The following ANKRD44 variants were observed in gnomAD, a reference collection of about 807,000 sequenced individuals.
The protein encoded by ANKRD44 is serine/threonine-protein phosphatase 6 regulatory ankyrin repeat subunit B.
ANKRD44 carries 35 observed loss-of-function variants against 116.0 expected under a neutral mutation model. The ratio of observed to expected loss-of-function variants is 0.30; its 90% confidence interval spans 0.23 to 0.40. ANKRD44 has a LOEUF of 0.40. ANKRD44 is among the 10% of genes least tolerant of loss of function. ANKRD44 has a pLI of 1.00. For missense variants in ANKRD44, 1,014 were observed against 1,242.6 expected (o/e 0.82, Z 2.77); for synonymous variants, 435 against 461.8 (o/e 0.94, Z 0.74).
intron 16 of ANKRD44, among the ~76,000 whole-genome samples, chr2:197,067,933 T>G (rs2077469449): frequency 6.6e-6 from 1 of 151,582 alleles, no homozygotes; most frequent in Non-Finnish European, 1.5e-5. Context: ...GTGGCACTAT[T>G]CACAACAGCA....
chr2:197,034,050 TAGAG>T lies in ANKRD44; in HGVS notation c.1651-8787_1651-8784del, dbSNP rs60018972. Among the ~76,000 whole-genome samples the T allele has an allele frequency of 4.6e-4, 51 of 110,660 alleles. 1 individual carries two copies. Among genetic ancestry groups the T allele is most frequent in the South Asian group, 7.6e-4 (2 of 2,644 alleles). The allele number at this position is 110,660 out of a possible 152,430, so 72.6% of individuals were successfully genotyped here. Reference sequence around the variant, plus strand: ...TGTCTCAGGGGAGGCATATGAGGGCTAGAGAGAGAGAGAGAGAGAGAGAGAGAGA... The same window carrying T: ...TGTCTCAGGGGAGGCATATGAGGGCTAGAGAGAGAGAGAGAGAGAGAGAGA... On this transcript the variant is annotated intron_variant, in intron 16 of 27. Coordinates refer to ENST00000282272, the MANE Select transcript of ANKRD44 (RefSeq NM_001195144.2).
At chr2:197,046,645 A>AG (rs1336273373) in intron 16 of ANKRD44, among the ~76,000 whole-genome samples, 1 of 151,378 alleles carries the variant, frequency 6.6e-6, no homozygotes, top group Non-Finnish European at 1.5e-5. Context: ...GACTGGCAAA[A>AG]AAAAAAAAAG....
At chr2:197,261,537 A>C (rs1000286954) in intron 1 of ANKRD44, among the ~76,000 whole-genome samples, 3 of 139,672 alleles carry the variant, frequency 2.1e-5, no homozygotes, top group Admixed American at 1.5e-4. Context: ...AAGAAGTAAA[A>C]AAGATAGACA....
chr2:196,998,955 TC>T lies in ANKRD44; in HGVS notation c.2616del (p.Thr874GlnfsTer3). 1 of 1,614,248 alleles carries T rather than the reference TC, an allele frequency of 6.2e-7. No individual in the cohort carries two copies. On this transcript the variant is annotated frameshift_variant, in exon 24 of 28. Transcript: ENST00000282272. LOFTEE classifies it high-confidence loss of function. ...SAPVNAVDNS[G>X]KTALMMAAEN... The stretch of plus-strand genomic sequence containing the variant: ...TCAGCAGCCATCATCAGTGCTGTTT[TC>T]CCTGAATTATCTACTGCGTTCACTG...
intron 1 of ANKRD44, among the ~76,000 whole-genome samples, chr2:197,309,980 C>T (rs1411102875): frequency 1.3e-5 from 2 of 152,208 alleles, no homozygotes; most frequent in East Asian, 3.9e-4. Context: ...GACTTCACCT[C>T]CTCCTCAGAG....
In ANKRD44 at chr2:197,125,926, C is replaced by T. The variant is rs773599620; in HGVS notation, c.373G>A (p.Val125Met). The T allele has an allele frequency of 1.9e-5, 31 of 1,614,258 alleles. No individual in the cohort carries two copies. Among genetic ancestry groups the T allele is most frequent in the Non-Finnish European group, 2.4e-5 (28 of 1,180,050 alleles). The change falls in exon 5 of 28, where the codon GTG becomes ATG. Residue 125 changes from valine (V) to methionine (M), a missense_variant. Transcript: ENST00000282272. ...AANKAVKCAE[V>M]IIPLLSSVNV... The stretch of plus-strand genomic sequence containing the variant: ...ACACTGCTCAGCAGGGGAATGATCA[C>T]TTCTGCACATTTGACAGCCTTGTTG...
rs559101047 is a variant in ANKRD44, at chr2:197,074,149, A to G, written c.1650+4554T>C. Among the ~76,000 whole-genome samples, 4 of 152,332 alleles carry G rather than the reference A, an allele frequency of 2.6e-5. No homozygotes were observed. The East Asian group carries it at 7.7e-4, about 29-fold the overall frequency. ...CACCCCCACCCTCGCCCTTAATGAGAGTTCCTCATAGGATTTTATGTTTCT... is the reference window on the plus strand; with the variant it reads ...CACCCCCACCCTCGCCCTTAATGAGGGTTCCTCATAGGATTTTATGTTTCT... On this transcript the variant is annotated intron_variant, in intron 16 of 27. Transcript: ENST00000282272.
chr2:197,147,132 C>T (rs1412900047), intron 2 of ANKRD44, 27 bp from the exon 3 acceptor site: 2 of 1,607,622 alleles, frequency 1.2e-6, no homozygotes, highest in East Asian at 2.2e-5. Flanking sequence ...CAAAGACATA[C>T]AACAGGTCAG....
At chr2:197,071,906 G>C (rs2077566555) in intron 16 of ANKRD44, among the ~76,000 whole-genome samples, 1 of 152,158 alleles carries the variant, frequency 6.6e-6, no homozygotes. Context: ...CACTCTCCTT[G>C]AGTGGGGTTC....
At chr2:197,144,569 C>T (rs960667327) in intron 3 of ANKRD44, among the ~76,000 whole-genome samples, 14 of 152,160 alleles carry the variant, frequency 9.2e-5, no homozygotes, top group Admixed American at 7.2e-4. Flanking sequence ...AAAACTTTCC[C>T]AATGCTCCCC....
chr2:197,287,365 T>G, intron 1 of ANKRD44, among the ~76,000 whole-genome samples: 1 of 152,210 alleles, frequency 6.6e-6, no homozygotes, highest in East Asian at 1.9e-4. Context: ...TTAATTCTCC[T>G]GCAGCCAGAA....
Position 197,078,806 on chromosome 2 carries a change from T to G in ANKRD44, c.1547A>C (p.Glu516Ala), listed in dbSNP as rs760377686. Residue 516 changes from glutamate to alanine, a missense_variant, in exon 16 of 28, where the codon GAG becomes GCG. Glu to Ala is a moderately radical substitution (Grantham distance 107). Transcript: ENST00000282272. ...ATTTGCATCATTTTGAAGCAGAAAC[T>G]CTAGACATCTGTAAGTATAAAGATG... The part of the protein sequence containing the change: ...LKEKEATLCL[E>A]FLLQNDANPS... 4 of 1,612,764 alleles carry G rather than the reference T, an allele frequency of 2.5e-6. No individual in the cohort carries two copies. The African/African-American group carries it at 4.0e-5, about 16-fold the overall frequency.
Position 196,988,449 on chromosome 2 carries a change from G to A in ANKRD44, c.*1142C>T. On this transcript the variant is annotated 3_prime_UTR_variant, in exon 28 of 28. Coordinates refer to ENST00000282272, the MANE Select transcript of ANKRD44 (RefSeq NM_001195144.2). ...AGAATTCAAAAAAACAATGGTGGTG[G>A]TGTGGAAAATTTTCAGTGAAATCAA... is the stretch of plus-strand genomic sequence containing the variant. 1 of 985,368 alleles carries A rather than the reference G, an allele frequency of 1.0e-6. No individual in the cohort carries two copies. Among genetic ancestry groups the A allele is most frequent in the Non-Finnish European group, 1.2e-6 (1 of 829,894 alleles). 61.0% of individuals were successfully genotyped at this position (985,368 alleles called of 1,614,324 possible). A position where few individuals can be genotyped will look rare whatever the true frequency, so the allele number is the denominator to read the frequency against.
intron 4 of ANKRD44, among the ~76,000 whole-genome samples, chr2:197,126,597 C>T (rs144905107): frequency 6.6e-6 from 1 of 152,186 alleles, no homozygotes; most frequent in African/African-American, 2.4e-5. Flanking sequence ...CTTCATTGGG[C>T]CTCCCACATT....
chr2:196,978,494 T>C (rs976308897), intron 21 of ANKRD44, among the ~76,000 whole-genome samples: 11 of 152,230 alleles, frequency 7.2e-5, no homozygotes, highest in Admixed American at 2.0e-4. Flanking sequence ...AACATTCTGC[T>C]TAGAAGCCAG....
chr2:196,998,002 A>G (rs1246324837), intron 25 of ANKRD44, among the ~76,000 whole-genome samples: 1 of 152,190 alleles, frequency 6.6e-6, no homozygotes, highest in Non-Finnish European at 1.5e-5. Context: ...TAAGGTCCTC[A>G]CTTTTATGTG....
chr2:197,308,747 CT>C (rs1559239524), intron 1 of ANKRD44, among the ~76,000 whole-genome samples: 1 of 152,220 alleles, frequency 6.6e-6, no homozygotes, highest in Non-Finnish European at 1.5e-5. Flanking sequence ...TGAAGAATAA[CT>C]TCCTCTCTTT....
Position 197,100,571 on chromosome 2 carries a change from A to T in ANKRD44, c.986-641T>A, listed in dbSNP as rs145538041. On this transcript the variant is annotated intron_variant, in intron 9 of 27. Transcript: ENST00000282272. ...ATGTATTCAAATCCCATAAAGTGTA[A>T]TTCTGAAGACATGTTCAATTTTAAT... Among the ~76,000 whole-genome samples the T allele has an allele frequency of 8.5e-5, 13 of 152,366 alleles. No homozygotes were observed. In the East Asian group the frequency reaches 2.5e-3, roughly 29 times the overall value.
intron 7 of ANKRD44, 61 bp from the exon 8 acceptor site, chr2:197,121,605 A>C: frequency 6.3e-6 from 9 of 1,421,604 alleles, no homozygotes; most frequent in Non-Finnish European, 8.8e-6. Flanking sequence ...TCCATTTTCC[A>C]CAAAAAGCAT....
Sources: gnomAD v4.1 joint callset for allele counts (sites outside exome capture counted in the v4.1 genomes callset) on GRCh38, gnomAD v4.1.1 for gene constraint, MANE v1.5 for transcripts, NCBI Gene and HGNC (gene_info 2026-07-23, HGNC 2026-07-21) for gene names.